SORCS3: variants seen among roughly 807,000 people sequenced by gnomAD.
The protein encoded by SORCS3 is sortilin related VPS10 domain containing receptor 3.
Under a neutral mutation model 146.3 loss-of-function variants are expected in SORCS3, and 57 were observed. The ratio of observed to expected loss-of-function variants is 0.39; its 90% CI spans 0.31 to 0.49. The LOEUF (loss-of-function observed/expected upper bound fraction) is 0.49. Ranked by LOEUF, SORCS3 falls within the 20% of genes least tolerant of loss-of-function variation. The pLI is 0.92. For synonymous variants in SORCS3, 653 were observed against 618.5 expected, an observed-to-expected ratio of 1.06 and a Z score of -0.83; for missense variants, 1,341 against 1,575.5, an observed-to-expected ratio of 0.85 and a Z score of 2.52.
At chr10:105,029,847 A>C (rs1369258049) in intron 4 of SORCS3, among the ~76,000 whole-genome samples, 1 of 152,220 alleles carries the variant, frequency 6.6e-6, no homozygotes, top group Non-Finnish European at 1.5e-5. Context: ...GAATTACCTG[A>C]ACAGAGTTTC....
At chr10:104,670,685 AT>A in intron 1 of SORCS3, among the ~76,000 whole-genome samples, 1 of 152,098 alleles carries the variant, frequency 6.6e-6, no homozygotes, top group East Asian at 1.9e-4. Context: ...TTCCATATGA[AT>A]TTTAGGATGG....
chr10:105,075,727 A>G (rs1430899847), intron 5 of SORCS3, among the ~76,000 whole-genome samples: 1 of 152,186 alleles, frequency 6.6e-6, no homozygotes, highest in Non-Finnish European at 1.5e-5. Flanking sequence ...GGGGAAAATC[A>G]TAATGCCCCC....
chr10:104,935,330 T>G (rs2019249549), intron 3 of SORCS3, among the ~76,000 whole-genome samples: 1 of 152,174 alleles, frequency 6.6e-6, no homozygotes, highest in Admixed American at 6.5e-5. Flanking sequence ...TTCAGCAGAT[T>G]TGGAGTCTGT....
intron 25 of SORCS3, among the ~76,000 whole-genome samples, chr10:105,259,532 C>A (rs1307347434): frequency 6.6e-6 from 1 of 152,152 alleles, no homozygotes; most frequent in East Asian, 1.9e-4. Flanking sequence ...AAATGAGTAT[C>A]ACCTGGCCTC....
At chr10:104,739,236 G>T (rs1293768873) in intron 1 of SORCS3, among the ~76,000 whole-genome samples, 1 of 152,130 alleles carries the variant, frequency 6.6e-6, no homozygotes, top group Non-Finnish European at 1.5e-5. Context: ...AGACCATCTT[G>T]GTTCACTCTC....
chr10:104,873,918 T>C (rs2018544161), intron 2 of SORCS3, among the ~76,000 whole-genome samples: 1 of 152,244 alleles, frequency 6.6e-6, no homozygotes, highest in Non-Finnish European at 1.5e-5. Flanking sequence ...TTAATTGAAT[T>C]GCTATCCCAT....
chr10:104,764,245 C>T (rs1393248035), intron 1 of SORCS3, among the ~76,000 whole-genome samples: 1 of 152,120 alleles, frequency 6.6e-6, no homozygotes, highest in Non-Finnish European at 1.5e-5. Context: ...CTATGTTTAT[C>T]AAACTTTAAT....
At chr10:104,933,195 G>T (rs1036085490) in intron 3 of SORCS3, among the ~76,000 whole-genome samples, 1 of 152,228 alleles carries the variant, frequency 6.6e-6, no homozygotes, top group Non-Finnish European at 1.5e-5. Context: ...TAGAGTCTCA[G>T]GGTAGGTAGC....
rs1589601342 is a variant in SORCS3 at position 105,030,389 on chromosome 10, G to A, written c.955-12666G>A. Among the ~76,000 whole-genome samples the A allele has an allele frequency of 2.6e-5, 4 of 152,176 alleles. No individual in the cohort carries two copies. In the South Asian group the frequency reaches 8.3e-4, roughly 32 times the overall value. ...GGGATGTCTGGATTCTCTTCTATAT[G>A]GTCTGTTACCTCCAGCAGGCTAGCA... On this transcript the variant is annotated intron_variant, in intron 4 of 26. Coordinates refer to ENST00000369701, the MANE Select transcript of SORCS3 (RefSeq NM_014978.3).
At chr10:105,250,205 T>A (rs1317971871) in intron 22 of SORCS3, among the ~76,000 whole-genome samples, 1 of 152,110 alleles carries the variant, frequency 6.6e-6, no homozygotes, top group African/African-American at 2.4e-5. Flanking sequence ...TCCACCCTTA[T>A]GACCTAATCA....
At chr10:105,202,102 ACT>A (rs376572259) in intron 16 of SORCS3, among the ~76,000 whole-genome samples, 3 of 152,070 alleles carry the variant, frequency 2.0e-5, no homozygotes, top group African/African-American at 7.2e-5. Context: ...CAGGAATCGA[ACT>A]CTCTCCACAT....
chr10:104,846,932 C>T (rs2018212941), intron 2 of SORCS3, among the ~76,000 whole-genome samples: 1 of 152,204 alleles, frequency 6.6e-6, no homozygotes, highest in Admixed American at 6.5e-5. Context: ...GAGCCTCCTT[C>T]CACAGTGTCA....
At chr10:105,040,330 G>A (rs141054067) in intron 4 of SORCS3, among the ~76,000 whole-genome samples, 35 of 152,230 alleles carry the variant, frequency 2.3e-4, no homozygotes, top group South Asian at 4.1e-4. Context: ...CAGGCAGATG[G>A]AAGGACAGAC....
At chr10:104,807,369 G>A (rs1029240228) in intron 1 of SORCS3, among the ~76,000 whole-genome samples, 4 of 152,166 alleles carry the variant, frequency 2.6e-5, no homozygotes, top group African/African-American at 7.2e-5. Context: ...ACCCAGATAT[G>A]AAGTGGAAAT....
chr10:104,816,506 T>C (rs978258789), intron 1 of SORCS3, among the ~76,000 whole-genome samples: 2 of 152,222 alleles, frequency 1.3e-5, no homozygotes, highest in South Asian at 2.1e-4. Context: ...ACTTTGCTAA[T>C]TATTTTTCTT....
intron 11 of SORCS3, among the ~76,000 whole-genome samples, chr10:105,161,789 A>G: frequency 6.6e-6 from 1 of 152,180 alleles, no homozygotes; most frequent in East Asian, 1.9e-4. Flanking sequence ...AGAGATGAAG[A>G]GACTGTGGGC....
intron 14 of SORCS3, among the ~76,000 whole-genome samples, chr10:105,179,118 T>A (rs1230314790): frequency 6.6e-6 from 1 of 152,210 alleles, no homozygotes; most frequent in Non-Finnish European, 1.5e-5. Flanking sequence ...GTAACTGTAT[T>A]TATGCAGTTT....
At chr10:104,820,691 A>G (rs1564691239) in intron 1 of SORCS3, among the ~76,000 whole-genome samples, 1 of 152,218 alleles carries the variant, frequency 6.6e-6, no homozygotes, top group Non-Finnish European at 1.5e-5. Flanking sequence ...TTGCATCAAA[A>G]TTAAATGTGA....
chr10:105,075,915 T>A (rs1464553179), intron 5 of SORCS3, among the ~76,000 whole-genome samples: 3 of 152,206 alleles, frequency 2.0e-5, no homozygotes, highest in African/African-American at 7.2e-5. Context: ...GTGGTCAGAA[T>A]CAAGGTCTTT....
Sources: gnomAD v4.1 joint callset for allele counts (sites outside exome capture counted in the v4.1 genomes callset) on GRCh38, gnomAD v4.1.1 for gene constraint, MANE v1.5 for transcripts, NCBI Gene and HGNC (gene_info 2026-07-23, HGNC 2026-07-21) for gene names.